TEX36: variants seen among roughly 807,000 people sequenced by gnomAD.
TEX36 encodes testis-expressed protein 36.
A neutral mutation model predicts 13.6 loss-of-function variants in TEX36; 12 were observed. That is an observed-to-expected ratio of 0.88 (90% CI 0.56 to 1.43). The LOEUF is 1.43. Among genes scored for constraint, TEX36 ranks in the 40% most tolerant of loss-of-function variants. The probability of loss-of-function intolerance (pLI) is 0.00; values close to 1 mark genes in which losing one functional copy is unlikely to be tolerated. For missense variants in TEX36, 224 were observed against 228.3 expected, an observed-to-expected ratio of 0.98 and a Z score of 0.12; for synonymous variants, 93 against 83.0, an observed-to-expected ratio of 1.12 and a Z score of -0.65.
rs550724428 is a variant in TEX36, at chr10:125,656,037, G to A, written c.424C>T (p.Arg142Cys). 38 of 1,551,920 alleles carry A rather than the reference G, an allele frequency of 2.4e-5. No homozygotes were observed. The highest frequency in any genetic ancestry group is 5.9e-5 in the South Asian group (5 of 84,062). Reference sequence around the variant, plus strand: ...ATCTCTTTATAGCATCGTGGAAAGCGTCTGAAGCTTGAGACCACCATGGCT... The same window carrying A: ...ATCTCTTTATAGCATCGTGGAAAGCATCTGAAGCTTGAGACCACCATGGCT... ...KEAMVVSSFRRFPRCYKEIWN... is the reference protein window; with the variant it reads ...KEAMVVSSFRCFPRCYKEIWN... The change falls in exon 4 of 4, where the codon CGC becomes TGC. Residue 142 changes from arginine (R) to cysteine (C), a missense_variant. Arg to Cys is a radical substitution (Grantham distance 180, BLOSUM62 -3). Transcript: ENST00000368821.
intron 1 of TEX36, among the ~76,000 whole-genome samples, chr10:125,664,631 T>C (rs753775680): frequency 2.6e-5 from 4 of 152,168 alleles, no homozygotes; most frequent in African/African-American, 9.7e-5. Flanking sequence ...TTGCTCACTG[T>C]CTCTCCTGCT....
At chr10:125,578,849 C>G (rs1182310451) in intron 3 of TEX36, among the ~76,000 whole-genome samples, 1 of 152,190 alleles carries the variant, frequency 6.6e-6, no homozygotes, top group African/African-American at 2.4e-5. Context: ...TCTTGTTGCC[C>G]TGACACCAAA....
chr10:125,628,606 G>A (rs1051598780), intron 3 of TEX36, among the ~76,000 whole-genome samples: 21 of 152,226 alleles, frequency 1.4e-4, no homozygotes, highest in African/African-American at 5.1e-4. Flanking sequence ...GTGTGGAATG[G>A]AGCATCGTTT....
chr10:125,618,084 C>T (rs1846381389), downstream of TEX36, among the ~76,000 whole-genome samples: 1 of 152,116 alleles, frequency 6.6e-6, no homozygotes, highest in Non-Finnish European at 1.5e-5. Context: ...CGCATCGGCT[C>T]CTGAGGCTTC....
intron 3 of TEX36, among the ~76,000 whole-genome samples, chr10:125,598,666 T>G (rs1846109367): frequency 6.6e-6 from 1 of 152,200 alleles, no homozygotes; most frequent in Admixed American, 6.5e-5. Flanking sequence ...TAGATTTTAC[T>G]GATTTTTGCT....
Position 125,607,218 on chromosome 10 carries a change from G to A in TEX36, c.265-30344C>T, listed in dbSNP as rs534581350. Among the ~76,000 whole-genome samples the A allele has an allele frequency of 5.2e-4, 79 of 152,344 alleles. No individual in the cohort carries two copies. In the Middle Eastern group the frequency reaches 0.017, roughly 33 times the overall value. Reference sequence around the variant, plus strand: ...CATAATGGGAAATATTTATAAGACAGCACACTTCCTTCCAAAGCATAAAGT... The same window carrying A: ...CATAATGGGAAATATTTATAAGACAACACACTTCCTTCCAAAGCATAAAGT... On this transcript the variant is annotated intron_variant, in intron 3 of 3. Coordinates refer to the TEX36 transcript ENST00000532135.
At chr10:125,582,777 G>C (rs1026202566) in intron 3 of TEX36, among the ~76,000 whole-genome samples, 1 of 152,020 alleles carries the variant, frequency 6.6e-6, no homozygotes, top group East Asian at 1.9e-4. Context: ...AGATAAATTG[G>C]TTTTTTTAAA....
intron 1 of TEX36, among the ~76,000 whole-genome samples, chr10:125,681,435 A>G (rs1478751358): frequency 6.6e-6 from 1 of 152,114 alleles, no homozygotes; most frequent in Non-Finnish European, 1.5e-5. Flanking sequence ...AGCAACTTAC[A>G]TTTTTCTTTT....
intron 2 of TEX36, among the ~76,000 whole-genome samples, 163 bp from the exon 3 acceptor site, chr10:125,661,264 T>C: frequency 6.6e-6 from 1 of 152,120 alleles, no homozygotes; most frequent in East Asian, 1.9e-4. Flanking sequence ...AGGGGGAGGA[T>C]ATCCACGTGC....
intron 2 of TEX36, among the ~76,000 whole-genome samples, chr10:125,661,518 C>G (rs565828080): frequency 6.6e-6 from 1 of 152,256 alleles, no homozygotes; most frequent in East Asian, 1.9e-4. Flanking sequence ...GAAATGGACC[C>G]TGGCTTCTCC....
chr10:125,576,893 A>G, intron 3 of TEX36: 7 of 1,536,072 alleles, frequency 4.6e-6, no homozygotes, highest in Non-Finnish European at 6.1e-6. Flanking sequence ...AAGAGGGAAG[A>G]TGTAGAACCA....
intron 3 of TEX36, chr10:125,621,788 G>C: frequency 2.6e-6 from 1 of 385,796 alleles, no homozygotes; most frequent in Non-Finnish European, 5.1e-6. Context: ...GAGTCCAAAG[G>C]CTGAAGAATC....
intron 2 of TEX36, 86 bp from the exon 3 acceptor site, chr10:125,661,187 T>C (rs751613634): frequency 1.6e-4 from 176 of 1,100,884 alleles, no homozygotes; most frequent in Non-Finnish European, 2.2e-4. Context: ...GGAAGGAAGA[T>C]GGATGAGGCA....
intron 3 of TEX36, among the ~76,000 whole-genome samples, chr10:125,634,818 G>C (rs533806734): frequency 6.6e-6 from 1 of 152,290 alleles, no homozygotes; most frequent in South Asian, 2.1e-4. Flanking sequence ...GGTAGATAGA[G>C]TGAAGTACTG....
At chr10:125,668,479 T>G (rs1276732092) in intron 1 of TEX36, among the ~76,000 whole-genome samples, 1 of 152,108 alleles carries the variant, frequency 6.6e-6, no homozygotes, top group African/African-American at 2.4e-5. Flanking sequence ...GTCTCCAACT[T>G]TTTTATTTAA....
At chr10:125,634,656 G>T (rs546828128) in intron 3 of TEX36, among the ~76,000 whole-genome samples, 9 of 152,194 alleles carry the variant, frequency 5.9e-5, no homozygotes, top group Non-Finnish European at 1.0e-4. Flanking sequence ...CTTTGTAGAA[G>T]AAAATGATAG....
chr10:125,601,182 GC>G (rs1160277767), intron 3 of TEX36, among the ~76,000 whole-genome samples: 2 of 152,220 alleles, frequency 1.3e-5, no homozygotes, highest in East Asian at 3.8e-4. Context: ...AATCATAACA[GC>G]TAATATTTAT....
chr10:125,659,941 CTAGCCACATG>C (rs1441149992), intron 3 of TEX36, among the ~76,000 whole-genome samples: 4 of 152,148 alleles, frequency 2.6e-5, no homozygotes, highest in African/African-American at 4.8e-5. Flanking sequence ...CTGGTAGCCC[CTAGCCACATG>C]TAGCCATTGG....
chr10:125,682,907 A>G, intron 1 of TEX36, 32 bp downstream of exon 1: 1 of 1,551,654 alleles, frequency 6.4e-7, no homozygotes, highest in Non-Finnish European at 8.7e-7. Flanking sequence ...ACGTGGCATG[A>G]GAAAGGCACC....
Sources: gnomAD v4.1 joint callset for allele counts (sites outside exome capture counted in the v4.1 genomes callset) on GRCh38, gnomAD v4.1.1 for gene constraint, MANE v1.5 for transcripts, NCBI Gene and HGNC (gene_info 2026-07-23, HGNC 2026-07-21) for gene names.